The following ACOXL variants were observed in gnomAD, a reference collection of about 807,000 sequenced individuals.
ACOXL encodes the protein acyl-CoA oxidase like.
ACOXL carries 70 observed loss-of-function variants against 71.9 expected under a neutral mutation model. The ratio of observed to expected loss-of-function variants is 0.97; its 90% CI spans 0.80 to 1.19. ACOXL has a LOEUF of 1.19. Among genes scored for constraint, ACOXL ranks in the 50% most tolerant of loss-of-function variants. The pLI is 0.00. For synonymous variants in ACOXL, 253 were observed against 281.6 expected, an observed-to-expected ratio of 0.90 and a Z score of 1.02; for missense variants, 703 against 736.3, an observed-to-expected ratio of 0.95 and a Z score of 0.52.
At chr2:111,034,318 TAGTTCTTATAACCAA>T (rs1427886569) in intron 15 of ACOXL, among the ~76,000 whole-genome samples, 3 of 152,236 alleles carry the variant, frequency 2.0e-5, no homozygotes, top group Non-Finnish European at 4.4e-5. Context: ...AGGAAAACCT[TAGTTCTTATAACCAA>T]AGTAGAACAT....
intron 12 of ACOXL, chr2:110,968,404 A>G: frequency 8.7e-7 from 1 of 1,146,082 alleles, no homozygotes; most frequent in Non-Finnish European, 1.3e-6. Context: ...CAAGGAATTT[A>G]ATGCAGAAGT....
chr2:111,099,320 A>G (rs1479562824), intron 17 of ACOXL: 1 of 152,198 alleles, frequency 6.6e-6, no homozygotes, highest in Non-Finnish European at 1.5e-5. Flanking sequence ...TTTTGTCTGG[A>G]ACTTCAGTGT....
At position 110,963,597 on chromosome 2, in the gene ACOXL, GTGT is replaced by G. The variant is rs760970899; in HGVS notation, c.1060-23510_1060-23508del. The G allele has an allele frequency of 2.0e-5, 26 of 1,296,744 alleles. No individual in the cohort carries two copies. The African/African-American group carries it at 6.0e-4, about 30-fold the overall frequency. The allele number at this position is 1,296,744 out of a possible 1,614,324, so 80.3% of individuals were successfully genotyped here. ...TGTGTGTGTGTGTGTGTGTGTGTGT[GTGT>G]GTGTTTTTCTCTTTCTGCAACAGGG... On this transcript the variant is annotated intron_variant, in intron 12 of 17. Coordinates refer to ENST00000439055, the MANE Select transcript of ACOXL (RefSeq NM_001142807.4).
At chr2:110,812,284 A>T (rs1687426429) in intron 9 of ACOXL, among the ~76,000 whole-genome samples, 1 of 152,228 alleles carries the variant, frequency 6.6e-6, no homozygotes, top group Admixed American at 6.5e-5. Flanking sequence ...TTACATATTT[A>T]ACAACCGAAA....
chr2:110,983,886 G>A (rs977080366), intron 12 of ACOXL, among the ~76,000 whole-genome samples: 3 of 152,100 alleles, frequency 2.0e-5, no homozygotes, highest in African/African-American at 7.2e-5. Context: ...GTCTCACTCT[G>A]TCGCCCAGGC....
intron 1 of ACOXL, among the ~76,000 whole-genome samples, chr2:110,748,997 G>A (rs1415829720): frequency 6.6e-6 from 1 of 152,234 alleles, no homozygotes; most frequent in Non-Finnish European, 1.5e-5. Flanking sequence ...TAAAGCAGGA[G>A]CATGCTGTGA....
chr2:110,760,143 CTT>C (rs1222115185), intron 1 of ACOXL, among the ~76,000 whole-genome samples: 12 of 138,074 alleles, frequency 8.7e-5, no homozygotes, highest in African/African-American at 7.9e-5. Context: ...TTTTTCTTTT[CTT>C]TTTTTTTTTT....
chr2:111,091,925 CT>C (rs2068546121), intron 16 of ACOXL, among the ~76,000 whole-genome samples: 1 of 152,164 alleles, frequency 6.6e-6, no homozygotes, highest in Non-Finnish European at 1.5e-5. Flanking sequence ...AACCACATGA[CT>C]TCTGAGTCTG....
At chr2:110,865,984 A>G (rs1265336728) in intron 10 of ACOXL, among the ~76,000 whole-genome samples, 2 of 152,222 alleles carry the variant, frequency 1.3e-5, no homozygotes, top group African/African-American at 2.4e-5. Context: ...CTCTGTTTCA[A>G]TGACAAAATA....
chr2:111,060,713 A>C (rs1367425123), intron 16 of ACOXL, among the ~76,000 whole-genome samples: 1 of 152,248 alleles, frequency 6.6e-6, no homozygotes, highest in Non-Finnish European at 1.5e-5. Context: ...TATCTGGAAA[A>C]GGTTTTAAAG....
intron 17 of ACOXL, among the ~76,000 whole-genome samples, chr2:111,103,591 T>C (rs1432517199): frequency 1.3e-5 from 2 of 152,192 alleles, no homozygotes; most frequent in Admixed American, 6.5e-5. Flanking sequence ...GGGATGCAGG[T>C]GTCCTATTAA....
chr2:110,955,729 G>A (rs986122924), intron 12 of ACOXL, among the ~76,000 whole-genome samples: 16 of 151,838 alleles, frequency 1.1e-4, no homozygotes, highest in African/African-American at 3.9e-4. Context: ...TCATGCCTCA[G>A]GGCGTTTGCA....
intron 17 of ACOXL, among the ~76,000 whole-genome samples, chr2:111,112,423 C>G (rs145103795): frequency 9.1e-4 from 138 of 152,278 alleles, no homozygotes; most frequent in African/African-American, 3.1e-3. Flanking sequence ...GAGATTATGC[C>G]TCGTGTGAGT....
chr2:110,927,874 G>T (rs1450754945), intron 11 of ACOXL, among the ~76,000 whole-genome samples: 4 of 152,126 alleles, frequency 2.6e-5, no homozygotes, highest in African/African-American at 7.2e-5. Flanking sequence ...ATTTCTGAAG[G>T]GTCCATGAGG....
At chr2:110,923,669 C>T (rs148586136) in intron 11 of ACOXL, among the ~76,000 whole-genome samples, 3 of 152,236 alleles carry the variant, frequency 2.0e-5, no homozygotes, top group African/African-American at 4.8e-5. Context: ...TGTGGTGGCT[C>T]ATGCCTGTAA....
chr2:111,082,413 C>T (rs998237226), intron 16 of ACOXL, among the ~76,000 whole-genome samples: 6 of 151,430 alleles, frequency 4.0e-5, no homozygotes, highest in South Asian at 2.1e-4. Flanking sequence ...GACCAACAAA[C>T]GTGAAAAAAA....
chr2:110,793,813 T>C (rs1277562704), intron 4 of ACOXL, 77 bp downstream of exon 4: 1 of 1,171,910 alleles, frequency 8.5e-7, no homozygotes, highest in Non-Finnish European at 1.3e-6. Context: ...CATGTGTGTA[T>C]GTGTTTGAAG....
At chr2:110,761,596 A>T (rs1573385763) in intron 1 of ACOXL, among the ~76,000 whole-genome samples, 1 of 152,184 alleles carries the variant, frequency 6.6e-6, no homozygotes, top group Admixed American at 6.5e-5. Context: ...CAGGTGGCCT[A>T]TGTGCTCTAA....
intron 14 of ACOXL, among the ~76,000 whole-genome samples, chr2:111,022,123 C>T (rs772549121): frequency 1.3e-4 from 20 of 152,110 alleles, no homozygotes; most frequent in African/African-American, 3.9e-4. Flanking sequence ...GAGGCCGACG[C>T]GAGCAGATCA....
Sources: gnomAD v4.1 joint callset for allele counts (sites outside exome capture counted in the v4.1 genomes callset) on GRCh38, gnomAD v4.1.1 for gene constraint, MANE v1.5 for transcripts, NCBI Gene and HGNC (gene_info 2026-07-23, HGNC 2026-07-21) for gene names.